The following ETV6 variants were observed in gnomAD, a reference collection of about 807,000 sequenced individuals.
The protein encoded by ETV6 is transcription factor ETV6.
ETV6 carries 16 observed loss-of-function variants against 51.1 expected under a neutral mutation model. That is an observed-to-expected ratio of 0.31 (90% CI 0.21 to 0.48). The LOEUF is 0.48. Ranked by LOEUF, ETV6 falls within the 20% of genes least tolerant of loss-of-function variation. The pLI, the probability that ETV6 is intolerant of heterozygous loss-of-function variation, is 0.99. For synonymous variants in ETV6, 240 were observed against 224.1 expected (o/e 1.07, Z -0.64); for missense variants, 458 against 594.8 (o/e 0.77, Z 2.39).
intron 3 of ETV6, among the ~76,000 whole-genome samples, chr12:11,853,013 C>A (rs942206660): frequency 1.3e-5 from 2 of 152,080 alleles, no homozygotes; most frequent in Admixed American, 1.3e-4. Context: ...ATGGTGAAAC[C>A]CTGTCTCTAC....
chr12:11,766,873 T>A (rs1331879447), intron 2 of ETV6, among the ~76,000 whole-genome samples: 1 of 152,238 alleles, frequency 6.6e-6, no homozygotes, highest in Non-Finnish European at 1.5e-5. Context: ...TGGGTCTGAA[T>A]TCTTTGCTTT....
intron 1 of ETV6, among the ~76,000 whole-genome samples, chr12:11,733,707 C>T (rs1334746002): frequency 1.3e-4 from 20 of 152,154 alleles, no homozygotes; most frequent in Non-Finnish European, 2.8e-4. Context: ...ACCCTCAATG[C>T]AGGGAATGAA....
chr12:11,799,727 A>G (rs139536707), intron 2 of ETV6, among the ~76,000 whole-genome samples: 199 of 152,218 alleles, frequency 1.3e-3, no homozygotes, highest in Non-Finnish European at 2.1e-3. Context: ...GGGCACGTCT[A>G]CTTTGCATTC....
chr12:11,807,427 C>T (rs193151622), intron 2 of ETV6, among the ~76,000 whole-genome samples: 13 of 152,230 alleles, frequency 8.5e-5, no homozygotes, highest in Non-Finnish European at 1.8e-4. Context: ...AATACATGCA[C>T]GGTCAGAAAA....
chr12:11,743,035 T>C (rs1865839724), intron 1 of ETV6, among the ~76,000 whole-genome samples: 4 of 152,152 alleles, frequency 2.6e-5, no homozygotes, highest in Admixed American at 2.6e-4. Context: ...CTCGAACTAC[T>C]GAGCTCGAGG....
intron 2 of ETV6, among the ~76,000 whole-genome samples, chr12:11,825,393 A>AG (rs1390057731): frequency 1.3e-5 from 2 of 152,232 alleles, no homozygotes; most frequent in African/African-American, 4.8e-5. Flanking sequence ...CAAATATTGA[A>AG]GAACGGCAAA....
At chr12:11,727,683 C>T (rs1231185392) in intron 1 of ETV6, among the ~76,000 whole-genome samples, 1 of 152,186 alleles carries the variant, frequency 6.6e-6, no homozygotes, top group Non-Finnish European at 1.5e-5. Flanking sequence ...TTACAGCACA[C>T]GTCTGTATAG....
Position 11,690,118 on chromosome 12 carries a change from A to T in ETV6, c.33+39958A>T, listed in dbSNP as rs205537. Reference sequence around the variant, plus strand: ...GGTGGTGTCCAGAGCTCAAGTCCCCACTGCAGACGCCAGGAAGAAAGAGGT... The same window carrying T: ...GGTGGTGTCCAGAGCTCAAGTCCCCTCTGCAGACGCCAGGAAGAAAGAGGT... On this transcript the variant is annotated intron_variant, in intron 1 of 7. Coordinates refer to ENST00000396373, the MANE Select transcript of ETV6 (RefSeq NM_001987.5). Among the ~76,000 whole-genome samples, 1,481 of 151,818 alleles carry T rather than the reference A, an allele frequency of 9.8e-3. 26 individuals carry two copies. The highest frequency in any genetic ancestry group is 0.017 in the Middle Eastern group (5 of 294).
Position 11,769,665 on chromosome 12 carries a change from T to G in ETV6, c.163+17086T>G, listed in dbSNP as rs562156383. ...TTTAAAAAATTCTTTTCCTTCATAT[T>G]CCCCGTTTGAGCTTAAGGTACAAAA... On this transcript the variant is annotated intron_variant, in intron 2 of 7. Transcript: ENST00000396373. 3.4e-4 allele frequency among the ~76,000 whole-genome samples: 52 copies of G among 152,288 alleles called. No homozygotes were observed. The South Asian group carries it at 0.011, about 31-fold the overall frequency.
rs533355963 is a variant in ETV6 at position 11,673,641 on chromosome 12, G to A, written c.33+23481G>A. ...AGAAATCAATATTTTTTCCTACTAG[G>A]CCCTCCGAATGTCATCTTTGTAGTT... is the stretch of plus-strand genomic sequence containing the variant. On this transcript the variant is annotated intron_variant, in intron 1 of 7. Transcript: ENST00000396373. 3.4e-3 allele frequency among the ~76,000 whole-genome samples: 524 copies of A among 152,236 alleles called. 2 individuals carry two copies. The highest frequency in any genetic ancestry group is 0.012 in the African/African-American group (501 of 41,540).
Position 11,671,994 on chromosome 12 carries a change from C to CT in ETV6, c.33+21848dup, listed in dbSNP as rs35974807. On this transcript the variant is annotated intron_variant, in intron 1 of 7. Coordinates refer to ENST00000396373, the MANE Select transcript of ETV6 (RefSeq NM_001987.5). ...TTGTGCTTCATGTTTGGATCTGATC[C>CT]TTTTTTTTTTTTTTAAGCTGAAAAT... Among the ~76,000 whole-genome samples the CT allele has an allele frequency of 3.2e-3, 450 of 139,966 alleles. 2 individuals are homozygous for CT. Among genetic ancestry groups the CT allele is most frequent in the African/African-American group, 9.0e-3 (344 of 38,330 alleles). The allele number at this position is 139,966 out of a possible 152,430, so 91.8% of individuals were successfully genotyped here.
chr12:11,669,522 A>C (rs1489730476), intron 1 of ETV6, among the ~76,000 whole-genome samples: 1 of 151,576 alleles, frequency 6.6e-6, no homozygotes, highest in Non-Finnish European at 1.5e-5. Flanking sequence ...GATAATTACC[A>C]GCGATTCCCA....
intron 1 of ETV6, among the ~76,000 whole-genome samples, chr12:11,679,701 G>A (rs1259444917): frequency 6.6e-6 from 1 of 152,220 alleles, no homozygotes; most frequent in East Asian, 1.9e-4. Context: ...GCACATTTAG[G>A]AAGAGTTTCC....
chr12:11,817,612 A>G lies in ETV6; in HGVS notation c.164-21528A>G, dbSNP rs1289762296. On this transcript the variant is annotated intron_variant, in intron 2 of 7. Transcript: ENST00000396373. ...GCCAGAAAGACAGTACTTGTAGGGT[A>G]CGTTCCATTTTAATGCACAAATCAT... Among the ~76,000 whole-genome samples, 3 of 152,338 alleles carry G rather than the reference A, an allele frequency of 2.0e-5. No homozygotes were observed. In the East Asian group the frequency reaches 5.8e-4, roughly 29 times the overall value.
At chr12:11,830,266 C>A (rs1438612348) in intron 2 of ETV6, among the ~76,000 whole-genome samples, 1 of 152,148 alleles carries the variant, frequency 6.6e-6, no homozygotes, top group African/African-American at 2.4e-5. Flanking sequence ...GTTTATTATT[C>A]CTCATTCCCT....
chr12:11,783,282 G>A (rs1358119169), intron 2 of ETV6, among the ~76,000 whole-genome samples: 4 of 152,118 alleles, frequency 2.6e-5, no homozygotes, highest in African/African-American at 9.7e-5. Flanking sequence ...TTTCAGGAAG[G>A]AAAGAATGAT....
chr12:11,772,490 A>G (rs977988406), intron 2 of ETV6, among the ~76,000 whole-genome samples: 4 of 152,174 alleles, frequency 2.6e-5, no homozygotes, highest in African/African-American at 9.7e-5. Context: ...TGATGGGGTG[A>G]TGGTTTCTGT....
Position 11,891,780 on chromosome 12 carries a change from G to GAATC in ETV6, c.*736_*739dup. On this transcript the variant is annotated 3_prime_UTR_variant, in exon 8 of 8. Coordinates refer to ENST00000396373, the MANE Select transcript of ETV6 (RefSeq NM_001987.5). Reference sequence around the variant, plus strand: ...CTTGGGGATTGTTGGCACCTAAACAGAATCAGTGACCCGGGTGCTTTGTGG... The same window carrying GAATC: ...CTTGGGGATTGTTGGCACCTAAACAGAATCAATCAGTGACCCGGGTGCTTTGTGG... 2.8e-6 allele frequency: 1 copy of GAATC among 356,838 alleles called. No individual in the cohort carries two copies. Among genetic ancestry groups the GAATC allele is most frequent in the East Asian group, 4.5e-5 (1 of 21,990 alleles). 22.1% of individuals were successfully genotyped at this position (356,838 alleles called of 1,614,324 possible).
rs1267178098 is a variant in ETV6 at position 11,891,511 on chromosome 12, A to G, written c.*465A>G. Reference sequence around the variant, plus strand: ...CAAAGTGCGGCAAGCCCAGCTGGTCAGGAAAGAGAATACTTGCAGAGGGGT... The same window carrying G: ...CAAAGTGCGGCAAGCCCAGCTGGTCGGGAAAGAGAATACTTGCAGAGGGGT... On this transcript the variant is annotated 3_prime_UTR_variant, in exon 8 of 8. Transcript: ENST00000396373. 5.7e-6 allele frequency: 3 copies of G among 523,986 alleles called. No homozygotes were observed. The highest frequency in any genetic ancestry group is 2.9e-4 in the Middle Eastern group (1 of 3,468). The allele number at this position is 523,986 out of a possible 1,614,324, so 32.5% of individuals were successfully genotyped here.
Sources: gnomAD v4.1 joint callset for allele counts (sites outside exome capture counted in the v4.1 genomes callset) on GRCh38, gnomAD v4.1.1 for gene constraint, MANE v1.5 for transcripts, NCBI Gene and HGNC (gene_info 2026-07-23, HGNC 2026-07-21) for gene names.